CPNE1: variants seen among roughly 807,000 people sequenced by gnomAD.
CPNE1 encodes copine 1.
Under a neutral mutation model 63.2 loss-of-function variants are expected in CPNE1, and 58 were observed. The ratio of observed to expected loss-of-function variants is 0.92; its 90% CI spans 0.74 to 1.14. CPNE1 has a LOEUF of 1.14. CPNE1 is among the 50% of genes most tolerant of loss of function. The pLI, the probability that CPNE1 is intolerant of heterozygous loss-of-function variation, is 0.00. For missense variants in CPNE1, 672 were observed against 661.7 expected (o/e 1.02, Z -0.17); for synonymous variants, 237 against 249.0 (o/e 0.95, Z 0.45).
At chr20:35,626,835 G>A (rs1336740247) in intron 14 of CPNE1, 32 bp from the exon 15 acceptor site, 7 of 1,561,402 alleles carry the variant, frequency 4.5e-6, no homozygotes, top group Non-Finnish European at 6.2e-6. Context: ...TCCTGAAGCA[G>A]ATCCTCCTCC....
chr20:35,644,122 T>C (rs148289147), intron 1 of CPNE1, among the ~76,000 whole-genome samples: 1 of 152,298 alleles, frequency 6.6e-6, no homozygotes, highest in Non-Finnish European at 1.5e-5. Context: ...AGGACAGTCA[T>C]AGAAAGTATC....
Position 35,626,208 on chromosome 20 carries a change from G to C in CPNE1, c.*33C>G, listed in dbSNP as rs557849898. The C allele has an allele frequency of 1.2e-6, 2 of 1,613,296 alleles. No homozygotes were observed. Among genetic ancestry groups the C allele is most frequent in the African/African-American group, 2.7e-5 (2 of 75,022 alleles). On this transcript the variant is annotated 3_prime_UTR_variant, in exon 16 of 16. Transcript: ENST00000397443. The stretch of plus-strand genomic sequence containing the variant: ...GGCCCAGAGGGACCTCTGGGACACA[G>C]GATTGAGGACTTGCCACAGCCTCCA...
intron 1 of CPNE1, chr20:35,647,511 C>T (rs982239338): frequency 3.3e-5 from 5 of 151,826 alleles, no homozygotes; most frequent in Non-Finnish European, 7.4e-5. Flanking sequence ...TTTCCCAGCA[C>T]TCTTTCCTGC....
chr20:35,641,185 ATCTAAT>A (rs1228372775), intron 1 of CPNE1, among the ~76,000 whole-genome samples: 1 of 152,258 alleles, frequency 6.6e-6, no homozygotes, highest in Non-Finnish European at 1.5e-5. Flanking sequence ...CTGAGTGGCC[ATCTAAT>A]TCAAGTCCCT....
At position 35,626,209 on chromosome 20, in the gene CPNE1, G is replaced by T. The variant is rs770038665; in HGVS notation, c.*32C>A. 17 of 1,613,214 alleles carry T rather than the reference G, an allele frequency of 1.1e-5. No individual in the cohort carries two copies. The highest frequency in any genetic ancestry group is 1.4e-5 in the Non-Finnish European group (17 of 1,179,198). On this transcript the variant is annotated 3_prime_UTR_variant, in exon 16 of 16. Coordinates refer to ENST00000397443, the MANE Select transcript of CPNE1 (RefSeq NM_152925.3). ...GCCCAGAGGGACCTCTGGGACACAG[G>T]ATTGAGGACTTGCCACAGCCTCCAA... is the stretch of plus-strand genomic sequence containing the variant.
At chr20:35,652,288 G>T (rs894358131) in intron 1 of CPNE1, 2 of 447,054 alleles carry the variant, frequency 4.5e-6, no homozygotes, top group African/African-American at 2.0e-5. Flanking sequence ...TTCTCTAATG[G>T]TATGCCAAAA....
intron 1 of CPNE1, among the ~76,000 whole-genome samples, chr20:35,635,093 T>C (rs537910277): frequency 2.0e-5 from 3 of 152,048 alleles, no homozygotes; most frequent in African/African-American, 7.2e-5. Flanking sequence ...GAATGTGTTC[T>C]TTCTCTGCAT....
chr20:35,636,944 G>A (rs910454794), intron 1 of CPNE1, among the ~76,000 whole-genome samples: 4 of 152,110 alleles, frequency 2.6e-5, no homozygotes, highest in African/African-American at 9.7e-5. Flanking sequence ...TAGCTCAAAG[G>A]AGTGGAAGAT....
rs1436363701 is a variant in CPNE1 at position 35,630,903 on chromosome 20, G to A, written c.993C>T (p.Asp331=). ...WSVGSVVQDY[D]SDKLFPAFGF... is the part of the protein sequence containing the mutation. ...AGCCCAGAGAAGCAGGTACTCACGA[G>A]TCATAGTCCTGAACCACGCTGCCCA... The change falls in exon 11 of 16, where the codon GAC becomes GAT. Residue 331 remains aspartate, a splice_region_variant and synonymous_variant. Coordinates refer to ENST00000397443, the MANE Select transcript of CPNE1 (RefSeq NM_152925.3). 1 of 1,606,540 alleles carries A rather than the reference G, an allele frequency of 6.2e-7. No homozygotes were observed. Among genetic ancestry groups the A allele is most frequent in the Non-Finnish European group, 8.5e-7 (1 of 1,175,504 alleles).
intron 1 of CPNE1, chr20:35,650,960 T>C (rs1440792012): frequency 6.6e-6 from 1 of 152,572 alleles, no homozygotes; most frequent in Non-Finnish European, 1.5e-5. Flanking sequence ...AAGATAAAAT[T>C]TGGTTTTCAT....
intron 1 of CPNE1, among the ~76,000 whole-genome samples, chr20:35,637,279 C>T (rs953944190): frequency 8.5e-5 from 13 of 152,166 alleles, no homozygotes; most frequent in African/African-American, 2.4e-4. Flanking sequence ...GTAAAAGCCC[C>T]GTATAGCTGC....
chr20:35,649,954 AAAT>A (rs1335879251), intron 1 of CPNE1: 2 of 152,606 alleles, frequency 1.3e-5, no homozygotes, highest in Non-Finnish European at 2.9e-5. Context: ...GCAAATGAGA[AAAT>A]AATGTCAATT....
intron 1 of CPNE1, among the ~76,000 whole-genome samples, chr20:35,662,735 ATC>A (rs766695763): frequency 3.3e-5 from 5 of 152,204 alleles, no homozygotes; most frequent in Non-Finnish European, 7.3e-5. Flanking sequence ...GGCCCACAAC[ATC>A]AAGTTTCACA....
intron 1 of CPNE1, among the ~76,000 whole-genome samples, chr20:35,638,687 A>G (rs2032629084): frequency 6.6e-6 from 1 of 152,254 alleles, no homozygotes; most frequent in African/African-American, 2.4e-5. Flanking sequence ...AAAGATTTGT[A>G]TAAGAATGTT....
At chr20:35,650,303 T>C (rs561073464) in intron 1 of CPNE1, 1 of 152,372 alleles carries the variant, frequency 6.6e-6, no homozygotes, top group East Asian at 1.9e-4. Flanking sequence ...ATCTAAGATG[T>C]AGAAATAACA....
chr20:35,649,597 T>C (rs2033357950), intron 1 of CPNE1: 1 of 152,636 alleles, frequency 6.6e-6, no homozygotes, highest in Non-Finnish European at 1.5e-5. Context: ...CTAATAATAA[T>C]TGTACATCCA....
intron 1 of CPNE1, among the ~76,000 whole-genome samples, chr20:35,644,057 TGTA>T (rs1568923742): frequency 1.3e-5 from 2 of 151,682 alleles, no homozygotes; most frequent in African/African-American, 4.9e-5. Flanking sequence ...TTACCCCACC[TGTA>T]AAGTAGGGAT....
At chr20:35,645,229 C>T (rs142827104) in intron 1 of CPNE1, among the ~76,000 whole-genome samples, 1 of 152,278 alleles carries the variant, frequency 6.6e-6, no homozygotes, top group East Asian at 1.9e-4. Flanking sequence ...ATAATGCAAG[C>T]CCCTTACCCT....
intron 1 of CPNE1, among the ~76,000 whole-genome samples, chr20:35,648,756 CCTCTT>C (rs1198389715): frequency 2.0e-4 from 30 of 152,302 alleles, no homozygotes; most frequent in African/African-American, 6.7e-4. Context: ...TTCCAAGTAT[CCTCTT>C]CTCTTGACAC....
Sources: gnomAD v4.1 joint callset for allele counts (sites outside exome capture counted in the v4.1 genomes callset) on GRCh38, gnomAD v4.1.1 for gene constraint, MANE v1.5 for transcripts, NCBI Gene and HGNC (gene_info 2026-07-23, HGNC 2026-07-21) for gene names.